The following MCFD2 variants were observed in gnomAD, a reference collection of about 807,000 sequenced individuals.
MCFD2 encodes the protein multiple coagulation factor deficiency 2, ER cargo receptor complex subunit, also known as multiple coagulation factor deficiency protein 2.
A neutral mutation model predicts 12.8 loss-of-function variants in MCFD2; 11 were observed. The ratio of observed to expected loss-of-function variants is 0.86; its 90% CI spans 0.54 to 1.42. The LOEUF (loss-of-function observed/expected upper bound fraction) is 1.42, where lower values mean the gene tolerates loss of function less well. Ranked by LOEUF, MCFD2 falls within the 40% of genes most tolerant of loss-of-function variation. The pLI is 0.00. For missense variants in MCFD2, 191 were observed against 178.6 expected (o/e 1.07, Z -0.40); for synonymous variants, 70 against 68.1 (o/e 1.03, Z -0.14).
intron 1 of MCFD2, among the ~76,000 whole-genome samples, chr2:46,924,584 T>C (rs1054182098): frequency 6.6e-6 from 1 of 152,132 alleles, no homozygotes; most frequent in Non-Finnish European, 1.5e-5. Context: ...AAATATACCA[T>C]GTGATATTCA....
At chr2:46,930,562 C>T (rs538467335) in intron 1 of MCFD2, among the ~76,000 whole-genome samples, 53 of 149,390 alleles carry the variant, frequency 3.5e-4, no homozygotes, top group African/African-American at 1.2e-3. Context: ...TGCAGTGGCG[C>T]GATCTTGGCT....
intron 1 of MCFD2, among the ~76,000 whole-genome samples, chr2:46,939,037 G>C (rs1002015476): frequency 6.6e-6 from 1 of 150,928 alleles, no homozygotes; most frequent in Non-Finnish European, 1.5e-5. Flanking sequence ...AGTACTTTGC[G>C]GGCCAGGGTG....
At position 46,902,187 on chromosome 2, in the gene MCFD2, A is replaced by T. The variant is rs1179336985; in HGVS notation, c.*3276T>A. 2 of 152,680 alleles carry T rather than the reference A, an allele frequency of 1.3e-5. No individual in the cohort carries two copies. The highest frequency in any genetic ancestry group is 4.8e-5 in the African/African-American group (2 of 41,460). 9.5% of individuals were successfully genotyped at this position (152,680 alleles called of 1,614,324 possible). ...CTGCTGCTTCTTCTCATTTTCAAAT[A>T]CTATAAAGATTCACACTGTTAAAGG... On this transcript the variant is annotated 3_prime_UTR_variant, in exon 4 of 4. Coordinates refer to ENST00000319466, the MANE Select transcript of MCFD2 (RefSeq NM_139279.6).
intron 1 of MCFD2, among the ~76,000 whole-genome samples, chr2:46,926,388 T>C (rs745738578): frequency 3.9e-5 from 6 of 152,050 alleles, no homozygotes; most frequent in Non-Finnish European, 8.8e-5. Flanking sequence ...TAAAATAATA[T>C]GGTAAATGGT....
At chr2:46,931,723 T>TAAAA (rs755641796) in intron 1 of MCFD2, among the ~76,000 whole-genome samples, 1 of 151,428 alleles carries the variant, frequency 6.6e-6, no homozygotes, top group Non-Finnish European at 1.5e-5. Context: ...AATAAATAAA[T>TAAAA]AAAATTGATA....
In MCFD2 at chr2:46,941,789, A is replaced by G; in HGVS notation, c.-225T>C. 1 of 1,542,006 alleles carries G rather than the reference A, an allele frequency of 6.5e-7. No individual in the cohort carries two copies. Among genetic ancestry groups the G allele is most frequent in the East Asian group, 2.5e-5 (1 of 40,792 alleles). On this transcript the variant is annotated 5_prime_UTR_variant, in exon 1 of 3. Transcript: ENST00000409147. The surrounding 1 kb of genome is among the most constrained non-coding windows in gnomAD (Gnocchi z 4.2). Reference sequence around the variant, plus strand: ...CGCGAAACGCACCGCCTCCTCCAGGAAGCGCGCCCAGACAGTCCTCGGCCG... The same window carrying G: ...CGCGAAACGCACCGCCTCCTCCAGGGAGCGCGCCCAGACAGTCCTCGGCCG...
intron 1 of MCFD2, among the ~76,000 whole-genome samples, chr2:46,929,555 G>A (rs900509020): frequency 6.6e-6 from 1 of 152,118 alleles, no homozygotes; most frequent in African/African-American, 2.4e-5. Flanking sequence ...ATATCATAAA[G>A]GAAATGTAAA....
chr2:46,941,562 C>G lies in MCFD2; in HGVS notation c.-8+10G>C. The G allele has an allele frequency of 2.6e-6, 4 of 1,556,046 alleles. No individual in the cohort carries two copies. Among genetic ancestry groups the G allele is most frequent in the African/African-American group, 1.4e-5 (1 of 73,450 alleles). ...AGAAGATGGCTGCGAAGGGCGCGCA[C>G]GGCTCCTACCTGAAGGTGGAGAGCG... On this transcript the variant is annotated intron_variant, in intron 1 of 2. Coordinates refer to the MCFD2 transcript ENST00000409147. The surrounding 1 kb of genome is among the most constrained non-coding windows in gnomAD (Gnocchi z 4.2).
upstream of MCFD2, among the ~76,000 whole-genome samples, chr2:46,917,697 G>A (rs1418929839): frequency 6.6e-6 from 1 of 152,086 alleles, no homozygotes; most frequent in Non-Finnish European, 1.5e-5. Context: ...ATATAAACTT[G>A]CTGTATTTTC....
intron 1 of MCFD2, among the ~76,000 whole-genome samples, chr2:46,922,315 G>C (rs946413547): frequency 6.6e-6 from 1 of 152,140 alleles, no homozygotes; most frequent in African/African-American, 2.4e-5. Context: ...TATAATTTTT[G>C]ATGACGAGTT....
At chr2:46,915,857 C>A (rs1425529659), upstream of MCFD2, 6 of 980,566 alleles carry the variant, frequency 6.1e-6, no homozygotes, top group Admixed American at 6.2e-5. Flanking sequence ...CGCTCCCTGC[C>A]GCCCGCCCAT....
At chr2:46,915,607 G>C (rs1668708095) in intron 1 of MCFD2, 116 bp downstream of exon 1, 1 of 238,638 alleles carries the variant, frequency 4.2e-6, no homozygotes, top group Non-Finnish European at 6.8e-6. Flanking sequence ...AGACGGCCTG[G>C]GGGCCCAGCC....
chr2:46,911,879 C>A (rs10168894), intron 1 of MCFD2, among the ~76,000 whole-genome samples: 14,102 of 151,850 alleles, frequency 0.093, 760 homozygotes, highest in African/African-American at 0.14. Context: ...GAGCCGAGAT[C>A]TGCTACCATT....
intron 3 of MCFD2, 193 bp from the exon 4 acceptor site, chr2:46,905,787 C>G (rs1668200529): frequency 1.6e-6 from 1 of 644,720 alleles, no homozygotes; most frequent in South Asian, 1.7e-5. Context: ...GGGGCTACTT[C>G]TAGGAATCTA....
chr2:46,908,749 GT>G lies in MCFD2; in HGVS notation c.149+273del. The G allele has an allele frequency of 2.0e-6, 1 of 498,532 alleles. No individual in the cohort carries two copies. Among genetic ancestry groups the G allele is most frequent in the East Asian group, 3.7e-5 (1 of 26,674 alleles). 30.9% of individuals were successfully genotyped at this position (498,532 alleles called of 1,614,324 possible). ...TGTGTACCTGTGTGTCTATTTGTAT[GT>G]GTGTGTGTCTGTCTGTGGTGAAAAA... On this transcript the variant is annotated intron_variant, in intron 2 of 3. Transcript: ENST00000319466. This position sits in a 1 kb window ranked among gnomAD's most constrained non-coding sequence, Gnocchi z 4.5.
At position 46,941,846 on chromosome 2, in the gene MCFD2, T is replaced by C. The variant is rs1443663291; in HGVS notation, c.-282A>G. ...GGCGCCTGCCAGCCCACCGTGCTAG[T>C]CTTAAGAGCAGCCAGGGCAGTTAGG... On this transcript the variant is annotated 5_prime_UTR_variant, in exon 1 of 3. Transcript: ENST00000409147. This position sits in a 1 kb window ranked among gnomAD's most constrained non-coding sequence, Gnocchi z 4.2. The C allele has an allele frequency of 1.5e-6, 2 of 1,294,664 alleles. No individual in the cohort carries two copies. The highest frequency in any genetic ancestry group is 1.1e-6 in the Non-Finnish European group (1 of 936,630). 80.2% of individuals were successfully genotyped at this position (1,294,664 alleles called of 1,614,324 possible).
At chr2:46,910,312 C>T (rs984530903) in intron 1 of MCFD2, among the ~76,000 whole-genome samples, 1 of 152,100 alleles carries the variant, frequency 6.6e-6, no homozygotes. Flanking sequence ...GACAGACTGA[C>T]CTCAAAAAGG....
intron 1 of MCFD2, among the ~76,000 whole-genome samples, chr2:46,914,728 C>A (rs983324337): frequency 6.6e-6 from 1 of 152,176 alleles, no homozygotes; most frequent in African/African-American, 2.4e-5. Flanking sequence ...AAATCCCCAA[C>A]TGACACCTGA....
chr2:46,916,471 A>C (rs533264815), upstream of MCFD2: 1 of 152,492 alleles, frequency 6.6e-6, no homozygotes, highest in East Asian at 1.9e-4. Flanking sequence ...ATTACTTAAA[A>C]ACAGACTCAT....
Sources: gnomAD v4.1 joint callset for allele counts (sites outside exome capture counted in the v4.1 genomes callset) on GRCh38, gnomAD v4.1.1 for gene constraint, Gnocchi (gnomAD v3.1) non-coding constraint, MANE v1.5 for transcripts, NCBI Gene and HGNC (gene_info 2026-07-23, HGNC 2026-07-21) for gene names.